CCDC146: variants seen among roughly 807,000 people sequenced by gnomAD.
The protein encoded by CCDC146 is coiled-coil domain-containing protein 146.
CCDC146 carries 92 observed loss-of-function variants against 119.3 expected under a neutral mutation model. The observed-to-expected ratio is 0.77, with a 90% confidence interval of 0.65 to 0.92. The LOEUF (loss-of-function observed/expected upper bound fraction) is 0.92. Ranked by LOEUF, CCDC146 falls within the 40% of genes least tolerant of loss-of-function variation. The pLI, the probability that CCDC146 is intolerant of heterozygous loss-of-function variation, is 0.00. For missense variants in CCDC146, 1,000 were observed against 1,103.0 expected (o/e 0.91, Z 1.32); for synonymous variants, 372 against 371.8 (o/e 1.00, Z -0.01).
intron 1 of CCDC146, among the ~76,000 whole-genome samples, chr7:77,162,388 T>G (rs951097343): frequency 1.3e-5 from 2 of 152,256 alleles, no homozygotes; most frequent in African/African-American, 2.4e-5. Context: ...CCTAACACCC[T>G]GTATTGAAGA....
At chr7:77,123,712 G>A (rs1790657524) in intron 1 of CCDC146, among the ~76,000 whole-genome samples, 1 of 152,104 alleles carries the variant, frequency 6.6e-6, no homozygotes, top group African/African-American at 2.4e-5. Context: ...TAGATAGACT[G>A]GGCTAAAGTT....
intron 2 of CCDC146, among the ~76,000 whole-genome samples, chr7:77,180,275 GACACACAC>G (rs71531147): frequency 6.8e-6 from 1 of 147,214 alleles, no homozygotes; most frequent in African/African-American, 2.5e-5. Flanking sequence ...ACCATACACA[GACACACAC>G]ACACACACAC....
chr7:77,207,299 A>T (rs945493767), intron 2 of CCDC146, among the ~76,000 whole-genome samples: 7 of 152,066 alleles, frequency 4.6e-5, no homozygotes, highest in African/African-American at 1.7e-4. Context: ...ATTTTCTGTT[A>T]TTTGCAGTGA....
intron 15 of CCDC146, among the ~76,000 whole-genome samples, chr7:77,285,156 A>G (rs1386186307): frequency 6.6e-6 from 1 of 152,188 alleles, no homozygotes; most frequent in Admixed American, 6.6e-5. Context: ...AGGAAGTTAT[A>G]TGAACTATTT....
At chr7:77,187,820 G>T (rs1199873942) in intron 2 of CCDC146, among the ~76,000 whole-genome samples, 2 of 152,254 alleles carry the variant, frequency 1.3e-5, no homozygotes, top group African/African-American at 4.8e-5. Flanking sequence ...ATTAAAAAAT[G>T]AGCTAGAAGA....
At chr7:77,243,370 G>C (rs1278806214) in intron 4 of CCDC146, among the ~76,000 whole-genome samples, 1 of 152,198 alleles carries the variant, frequency 6.6e-6, no homozygotes, top group East Asian at 1.9e-4. Flanking sequence ...AATTTATAAT[G>C]TATCATTCTT....
intron 17 of CCDC146, among the ~76,000 whole-genome samples, chr7:77,291,699 C>G (rs924314062): frequency 6.6e-6 from 1 of 152,166 alleles, no homozygotes; most frequent in Non-Finnish European, 1.5e-5. Flanking sequence ...CAGAGTGAGA[C>G]CCTGTCTCAA....
At chr7:77,225,209 G>A (rs1792486874) in intron 2 of CCDC146, among the ~76,000 whole-genome samples, 1 of 152,128 alleles carries the variant, frequency 6.6e-6, no homozygotes, top group Admixed American at 6.5e-5. Context: ...AGAGACTGAG[G>A]CAAGGACTAG....
chr7:77,228,435 T>C (rs1242906563), intron 2 of CCDC146, among the ~76,000 whole-genome samples: 1 of 152,196 alleles, frequency 6.6e-6, no homozygotes, highest in Non-Finnish European at 1.5e-5. Flanking sequence ...CTGTGTTAGT[T>C]TGCTAAGGAT....
At chr7:77,124,854 T>A (rs4729170) in intron 1 of CCDC146, among the ~76,000 whole-genome samples, 19,771 of 152,098 alleles carry the variant, frequency 0.13, 1,686 homozygotes, top group East Asian at 0.27. Context: ...CTCAAGGAAT[T>A]ATGTTTTATA....
chr7:77,168,432 T>C (rs1791371032), intron 2 of CCDC146, among the ~76,000 whole-genome samples: 1 of 151,512 alleles, frequency 6.6e-6, no homozygotes, highest in African/African-American at 2.4e-5. Flanking sequence ...CTTTAGAAAA[T>C]GATTTAGAGG....
chr7:77,284,954 A>C (rs1584146926), intron 15 of CCDC146, among the ~76,000 whole-genome samples: 1 of 150,504 alleles, frequency 6.6e-6, no homozygotes. Flanking sequence ...ATATCCTGTC[A>C]TTTTTTACAG....
chr7:77,186,171 A>G (rs1791663506), intron 2 of CCDC146, among the ~76,000 whole-genome samples: 1 of 152,216 alleles, frequency 6.6e-6, no homozygotes, highest in Non-Finnish European at 1.5e-5. Flanking sequence ...AAATCAGTGT[A>G]TCAAAGATAC....
chr7:77,248,293 T>C (rs3114310), intron 4 of CCDC146, among the ~76,000 whole-genome samples: 114,598 of 151,974 alleles, frequency 0.75, 46,799 homozygotes, highest in Non-Finnish European at 0.9. Flanking sequence ...AGAAGGAGGG[T>C]GAAGGATGAG....
intron 11 of CCDC146, among the ~76,000 whole-genome samples, chr7:77,274,878 T>C (rs1793601304): frequency 6.6e-6 from 1 of 151,798 alleles, no homozygotes; most frequent in African/African-American, 2.4e-5. Context: ...GGGCCTGTTG[T>C]GGGGTGAGGG....
intron 1 of CCDC146, among the ~76,000 whole-genome samples, chr7:77,164,883 A>G (rs1168704902): frequency 6.6e-6 from 1 of 152,218 alleles, no homozygotes; most frequent in African/African-American, 2.4e-5. Context: ...GGAACAGCCA[A>G]TCCAATGAGA....
At chr7:77,272,620 T>C (rs1793546386) in intron 9 of CCDC146, among the ~76,000 whole-genome samples, 1 of 152,158 alleles carries the variant, frequency 6.6e-6, no homozygotes, top group African/African-American at 2.4e-5. Flanking sequence ...AACTCTAAAC[T>C]TGCTCTAAGT....
At position 77,196,857 on chromosome 7, in the gene CCDC146, C is replaced by G. The variant is rs1220925179; in HGVS notation, c.156+29033C>G. 1.9e-6 allele frequency: 3 copies of G among 1,614,026 alleles called. No homozygotes were observed. Among genetic ancestry groups the G allele is most frequent in the South Asian group, 2.2e-5 (2 of 91,064 alleles). On this transcript the variant is annotated intron_variant, in intron 2 of 18. Coordinates refer to ENST00000285871, the MANE Select transcript of CCDC146 (RefSeq NM_020879.3). The surrounding 1 kb of genome is among the most constrained non-coding windows in gnomAD (Gnocchi z 4.2). ...GCCTGCAGCACTGTCCAGCCTCCCC[C>G]CATGGTCTCCATGTCACAGTAAACT...
intron 2 of CCDC146, among the ~76,000 whole-genome samples, chr7:77,168,228 G>T (rs1226721347): frequency 2.0e-5 from 3 of 152,058 alleles, no homozygotes; most frequent in Non-Finnish European, 2.9e-5. Flanking sequence ...CTGCAGTGGA[G>T]CACTGAAATC....
Sources: gnomAD v4.1 joint callset for allele counts (sites outside exome capture counted in the v4.1 genomes callset) on GRCh38, gnomAD v4.1.1 for gene constraint, Gnocchi (gnomAD v3.1) non-coding constraint, MANE v1.5 for transcripts, NCBI Gene and HGNC (gene_info 2026-07-23, HGNC 2026-07-21) for gene names.